Variants in GFM1 observed in about 807,000 individuals in gnomAD.
The protein encoded by GFM1 is G elongation factor mitochondrial 1.
Under a neutral mutation model 96.2 loss-of-function variants are expected in GFM1, and 62 were observed. The ratio of observed to expected loss-of-function variants is 0.64; its 90% confidence interval spans 0.53 to 0.80. The LOEUF is 0.80. Ranked by LOEUF, GFM1 falls within the 30% of genes least tolerant of loss-of-function variation. The pLI is 0.00. For synonymous variants in GFM1, 282 were observed against 312.9 expected (o/e 0.90, Z 1.04); for missense variants, 852 against 916.6 (o/e 0.93, Z 0.91).
chr3:158,692,480 C>G lies in GFM1; in HGVS notation c.*1013C>G, dbSNP rs1055834840. Reference sequence around the variant, plus strand: ...TCCCAAGCAGTTCTATTACCCGGTTCAGAATTGCTTCATCCAAAAATCATC... The same window carrying G: ...TCCCAAGCAGTTCTATTACCCGGTTGAGAATTGCTTCATCCAAAAATCATC... On this transcript the variant is annotated 3_prime_UTR_variant, in exon 18 of 18. Transcript: ENST00000486715. 18 of 152,190 alleles carry G rather than the reference C, an allele frequency of 1.2e-4. No homozygotes were observed. Among genetic ancestry groups the G allele is most frequent in the African/African-American group, 4.1e-4 (17 of 41,448 alleles). 9.4% of individuals were successfully genotyped at this position (152,190 alleles called of 1,614,324 possible).
rs144848752 is a variant in GFM1, at chr3:158,693,977, T to G, written c.*2510T>G. On this transcript the variant is annotated 3_prime_UTR_variant, in exon 18 of 18. Coordinates refer to ENST00000486715, the MANE Select transcript of GFM1 (RefSeq NM_024996.7). ...TTCAGGAGTGTCATATTGTATTCTT[T>G]TGTGTGATATTAGAGTTTGGTTTTT... Among the ~76,000 whole-genome samples the G allele has an allele frequency of 6.6e-6, 1 of 152,292 alleles. No homozygotes were observed. Among genetic ancestry groups the G allele is most frequent in the Admixed American group, 6.5e-5 (1 of 15,304 alleles).
chr3:158,644,818 A>G, intron 1 of GFM1, 103 bp downstream of exon 1: 1 of 934,756 alleles, frequency 1.1e-6, no homozygotes, highest in Non-Finnish European at 1.7e-6. Context: ...CATGACTGAC[A>G]GCTCCGAATA....
Position 158,684,557 on chromosome 3 carries a change from TC to T in GFM1, c.1799del (p.Ser600LeufsTer56). The T allele has an allele frequency of 6.2e-7, 1 of 1,614,134 alleles. No homozygotes were observed. Among genetic ancestry groups the T allele is most frequent in the Non-Finnish European group, 8.5e-7 (1 of 1,179,980 alleles). ...AGATGCCTGCGAGAAGGGCCCTCTT[TC>T]TGGTCACAAGCTCTCTGGGCTCCGG... ...FLDACEKGPLSGHKLSGLRFV... is the reference protein window; with the variant it reads ...FLDACEKGPLXGHKLSGLRFV... On this transcript the variant is annotated frameshift_variant, in exon 15 of 18. Transcript: ENST00000486715. LOFTEE classifies it high-confidence loss of function.
At chr3:158,685,719 GA>G (rs1242656441) in intron 15 of GFM1, among the ~76,000 whole-genome samples, 1 of 152,146 alleles carries the variant, frequency 6.6e-6, no homozygotes, top group African/African-American at 2.4e-5. Flanking sequence ...TGAAATTTAT[GA>G]TGTAGAAATC....
intron 5 of GFM1, chr3:158,649,430 A>G (rs1360713437): frequency 3.2e-6 from 1 of 310,832 alleles, no homozygotes; most frequent in Non-Finnish European, 6.1e-6. Flanking sequence ...AGTTTGGGTT[A>G]GTAAATTTGG....
intron 14 of GFM1, 78 bp downstream of exon 14, chr3:158,682,235 C>A (rs962075638): frequency 8.3e-7 from 1 of 1,207,166 alleles, no homozygotes. Context: ...ACTTTGTCTT[C>A]CATCATGTTG....
chr3:158,646,383 A>C (rs1268978722), intron 3 of GFM1, 86 bp downstream of exon 3: 1 of 1,366,558 alleles, frequency 7.3e-7, no homozygotes, highest in Non-Finnish European at 1.0e-6. Context: ...TTAGTTTTTG[A>C]TTGTCAAATA....
At chr3:158,685,800 T>G (rs1725787428) in intron 15 of GFM1, among the ~76,000 whole-genome samples, 1 of 152,186 alleles carries the variant, frequency 6.6e-6, no homozygotes, top group South Asian at 2.1e-4. Context: ...GAGACTTTAT[T>G]AGGCATCACT....
Position 158,690,222 on chromosome 3 carries a change from C to T in GFM1, c.1969C>T (p.Pro657Ser). Residue 657 changes from proline to serine, a missense_variant, in exon 16 of 18, where the codon CCA becomes TCA. Transcript: ENST00000486715. ...EPIMAVEVVA[P>S]NEFQGQVIAG... ...TATTATGGCTGTGGAAGTTGTAGCT[C>T]CAAATGAATTTCAGGGACAAGTAAT... 1 of 1,613,604 alleles carries T rather than the reference C, an allele frequency of 6.2e-7. No homozygotes were observed. The highest frequency in any genetic ancestry group is 8.5e-7 in the Non-Finnish European group (1 of 1,179,758).
intron 13 of GFM1, chr3:158,672,602 A>C: frequency 8.3e-7 from 1 of 1,210,430 alleles, no homozygotes; most frequent in Non-Finnish European, 1.2e-6. Flanking sequence ...AAGCTCCTTC[A>C]GTCAGTCTTC....
chr3:158,689,698 C>G (rs1051532427), intron 15 of GFM1, among the ~76,000 whole-genome samples: 1 of 145,632 alleles, frequency 6.9e-6, no homozygotes, highest in African/African-American at 2.6e-5. Context: ...ACCTGGGAGA[C>G]AGAGTTGCAT....
chr3:158,646,304 T>C lies in GFM1; in HGVS notation c.367+7T>C, dbSNP rs1438449859. On this transcript the variant is annotated splice_region_variant and intron_variant, in intron 3 of 17. Transcript: ENST00000486715. ...AACATTATAGATACTCCTGGTGAGT[T>C]GGATTCTTGGTTTTATTGCAGCTTC... 1.8e-5 allele frequency: 29 copies of C among 1,613,932 alleles called. No homozygotes were observed. The highest frequency in any genetic ancestry group is 2.4e-5 in the Non-Finnish European group (28 of 1,179,958).
At chr3:158,656,966 T>C (rs1463553990) in intron 8 of GFM1, 1 of 152,210 alleles carries the variant, frequency 6.6e-6, no homozygotes, top group Non-Finnish European at 1.5e-5. Flanking sequence ...GAATCAGCCG[T>C]TCTCCAAGGA....
intron 13 of GFM1, among the ~76,000 whole-genome samples, chr3:158,671,682 G>C (rs1044332527): frequency 3.9e-5 from 6 of 152,120 alleles, no homozygotes; most frequent in African/African-American, 7.2e-5. Context: ...GATAAATAAG[G>C]GATAATCTCA....
chr3:158,689,341 G>A (rs1576797895), intron 15 of GFM1, among the ~76,000 whole-genome samples: 3 of 152,178 alleles, frequency 2.0e-5, no homozygotes, highest in East Asian at 3.9e-4. Context: ...TTTTCCAGAA[G>A]GCATATAGCT....
At chr3:158,657,509 T>G (rs577835766) in intron 8 of GFM1, 32 of 152,368 alleles carry the variant, frequency 2.1e-4, no homozygotes, top group Non-Finnish European at 4.3e-4. Flanking sequence ...AAATTTTGAT[T>G]TTTAAAAGCA....
At position 158,645,748 on chromosome 3, in the gene GFM1, T is replaced by G. The variant is rs1430557393; in HGVS notation, c.201T>G (p.Leu67=). 6.2e-7 allele frequency: 1 copy of G among 1,612,994 alleles called. No individual in the cohort carries two copies. Among genetic ancestry groups the G allele is most frequent in the South Asian group, 1.1e-5 (1 of 91,050 alleles). ...AAACTACATTAACAGAACGAGTCCTTTACTACACTGGCAGAATTGCAAAGA... is the reference window on the plus strand; with the variant it reads ...AAACTACATTAACAGAACGAGTCCTGTACTACACTGGCAGAATTGCAAAGA... The part of the protein sequence containing the change: ...SGKTTLTERV[L]YYTGRIAKMH... The change falls in exon 2 of 18, where the codon CTT becomes CTG. Residue 67 remains leucine (L), a synonymous_variant. Coordinates refer to ENST00000486715, the MANE Select transcript of GFM1 (RefSeq NM_024996.7).
intron 13 of GFM1, among the ~76,000 whole-genome samples, chr3:158,678,350 C>T (rs1003610729): frequency 1.3e-5 from 2 of 152,040 alleles, no homozygotes; most frequent in Non-Finnish European, 1.5e-5. Context: ...TGGATCTGGA[C>T]GAAGTAAATT....
intron 15 of GFM1, chr3:158,684,900 A>G: frequency 2.2e-6 from 1 of 446,982 alleles, no homozygotes; most frequent in Non-Finnish European, 4.0e-6. Flanking sequence ...GCTTTCTTTC[A>G]TGTATTTGAA....
Sources: allele counts gnomAD v4.1 joint callset (sites outside exome capture counted in the v4.1 genomes callset), GRCh38; gene constraint gnomAD v4.1.1; transcripts MANE v1.5; gene names NCBI Gene and HGNC (gene_info 2026-07-23, HGNC 2026-07-21).